Variants in ST6GALNAC5 observed in about 807,000 individuals in gnomAD.
ST6GALNAC5 encodes ST6 N-acetylgalactosaminide alpha-2,6-sialyltransferase 5, also known as alpha-N-acetylgalactosaminide alpha-2,6-sialyltransferase 5.
In ST6GALNAC5, 27 loss-of-function variants were observed where a neutral mutation model predicts 33.6. That is an observed-to-expected ratio of 0.80 (90% CI 0.59 to 1.11). ST6GALNAC5 has a LOEUF of 1.11. Among genes scored for constraint, ST6GALNAC5 ranks in the 50% least tolerant of loss-of-function variants. The pLI, the probability that ST6GALNAC5 is intolerant of heterozygous loss-of-function variation, is 0.00. For missense variants in ST6GALNAC5, 428 were observed against 454.0 expected (o/e 0.94, Z 0.52); for synonymous variants, 194 against 171.2 (o/e 1.13, Z -1.04).
At chr1:76,919,726 A>G (rs1403100192) in intron 2 of ST6GALNAC5, among the ~76,000 whole-genome samples, 1 of 152,182 alleles carries the variant, frequency 6.6e-6, no homozygotes, top group Non-Finnish European at 1.5e-5. Context: ...AAGAGTTCTT[A>G]GTTACTTGAA....
At chr1:76,914,205 G>C (rs1473913364) in intron 2 of ST6GALNAC5, among the ~76,000 whole-genome samples, 1 of 152,136 alleles carries the variant, frequency 6.6e-6, no homozygotes, top group Non-Finnish European at 1.5e-5. Context: ...CAAACAAATG[G>C]AAGAACATTC....
intron 2 of ST6GALNAC5, among the ~76,000 whole-genome samples, chr1:76,894,306 C>T (rs1447927848): frequency 6.6e-6 from 1 of 152,100 alleles, no homozygotes; most frequent in Non-Finnish European, 1.5e-5. Flanking sequence ...TTGTGTTGAC[C>T]CAGATAGGCC....
chr1:76,926,407 C>T (rs1288390931), intron 2 of ST6GALNAC5, among the ~76,000 whole-genome samples: 1 of 152,116 alleles, frequency 6.6e-6, no homozygotes, highest in Non-Finnish European at 1.5e-5. Flanking sequence ...ACAGGTATCT[C>T]TGTAATTTAT....
chr1:77,000,429 C>T (rs1223370648), intron 2 of ST6GALNAC5, among the ~76,000 whole-genome samples: 1 of 126,198 alleles, frequency 7.9e-6, no homozygotes, highest in African/African-American at 2.6e-5. Flanking sequence ...AATTTTCTCC[C>T]ATTTTGTAGG....
At chr1:76,901,943 A>T (rs1310339087) in intron 2 of ST6GALNAC5, among the ~76,000 whole-genome samples, 1 of 152,174 alleles carries the variant, frequency 6.6e-6, no homozygotes, top group Non-Finnish European at 1.5e-5. Context: ...AGAAAGTGGA[A>T]GTTATCACTT....
rs752503806 is a variant in ST6GALNAC5, at chr1:76,926,937, T to A, written c.261+58195T>A. Reference sequence around the variant, plus strand: ...TTTTCATTAATAGTACAATCAAACATCTTTTCAGATATTCATTTACCATTT... The same window carrying A: ...TTTTCATTAATAGTACAATCAAACAACTTTTCAGATATTCATTTACCATTT... On this transcript the variant is annotated intron_variant, in intron 2 of 4. Coordinates refer to ENST00000477717, the MANE Select transcript of ST6GALNAC5 (RefSeq NM_030965.3). Among the ~76,000 whole-genome samples, 59 of 152,164 alleles carry A rather than the reference T, an allele frequency of 3.9e-4. 1 individual carries two copies. Among genetic ancestry groups the A allele is most frequent in the Non-Finnish European group, 7.6e-4 (52 of 67,996 alleles).
At chr1:77,027,638 G>A (rs1351038975) in intron 2 of ST6GALNAC5, among the ~76,000 whole-genome samples, 1 of 152,084 alleles carries the variant, frequency 6.6e-6, no homozygotes, top group Non-Finnish European at 1.5e-5. Flanking sequence ...AGGAAAGGGA[G>A]GGTTTAATGT....
At chr1:76,893,746 T>C (rs896046772) in intron 2 of ST6GALNAC5, among the ~76,000 whole-genome samples, 7 of 152,130 alleles carry the variant, frequency 4.6e-5, no homozygotes, top group African/African-American at 1.7e-4. Context: ...CTGCAACCTC[T>C]GCCTCCCGGG....
At chr1:77,039,211 A>C (rs1206806126) in intron 2 of ST6GALNAC5, among the ~76,000 whole-genome samples, 1 of 152,194 alleles carries the variant, frequency 6.6e-6, no homozygotes, top group African/African-American at 2.4e-5. Context: ...TCACTCTTCC[A>C]TGTGCTGTGC....
chr1:76,982,357 C>T (rs534074070), intron 2 of ST6GALNAC5, among the ~76,000 whole-genome samples: 3 of 152,228 alleles, frequency 2.0e-5, no homozygotes, highest in South Asian at 2.1e-4. Context: ...ATGAGAACTT[C>T]GTGAAGCATG....
At chr1:77,032,093 C>A (rs527671913) in intron 2 of ST6GALNAC5, among the ~76,000 whole-genome samples, 1 of 152,158 alleles carries the variant, frequency 6.6e-6, no homozygotes, top group South Asian at 2.1e-4. Context: ...AATAACTCTG[C>A]GAGGTCAGTA....
rs959582586 is a variant in ST6GALNAC5 at position 77,004,586 on chromosome 1, G to A, written c.262-39618G>A. Among the ~76,000 whole-genome samples the A allele has an allele frequency of 4.5e-4, 60 of 133,014 alleles. 1 individual carries two copies. The highest frequency in any genetic ancestry group is 1.6e-4 in the Non-Finnish European group (9 of 57,608). The allele number at this position is 133,014 out of a possible 152,430, so 87.3% of individuals were successfully genotyped here. On this transcript the variant is annotated intron_variant, in intron 2 of 4. Transcript: ENST00000477717. ...GGCGCTCTGTGTTTTAGAGTTTCCA[G>A]TTTTTCTGTTCTGTTTTTTCCCCAT...
chr1:76,936,953 G>GGCGTGTGT (rs138095164), intron 2 of ST6GALNAC5, among the ~76,000 whole-genome samples: 2,167 of 140,010 alleles, frequency 0.015, 89 homozygotes, highest in South Asian at 0.072. Context: ...AGAGAAGCAG[G>GGCGTGTGT]GTGTGTGTGT....
chr1:76,969,618 A>C (rs1648653916), intron 2 of ST6GALNAC5, among the ~76,000 whole-genome samples: 1 of 152,224 alleles, frequency 6.6e-6, no homozygotes, highest in South Asian at 2.1e-4. Flanking sequence ...AACAAAAGGC[A>C]GCAGAAACTT....
At chr1:77,008,672 G>A (rs1005191671) in intron 2 of ST6GALNAC5, among the ~76,000 whole-genome samples, 1 of 152,116 alleles carries the variant, frequency 6.6e-6, no homozygotes, top group African/African-American at 2.4e-5. Flanking sequence ...TGGGATTACA[G>A]GTGCCCGCCA....
intron 2 of ST6GALNAC5, among the ~76,000 whole-genome samples, chr1:77,033,800 TAG>T (rs954775093): frequency 2.0e-5 from 3 of 151,860 alleles, no homozygotes; most frequent in Non-Finnish European, 2.9e-5. Flanking sequence ...GGCCGGAGAA[TAG>T]AGAGTAGGGT....
At chr1:76,875,665 GC>G (rs1271445629) in intron 2 of ST6GALNAC5, among the ~76,000 whole-genome samples, 11 of 152,152 alleles carry the variant, frequency 7.2e-5, no homozygotes, top group Non-Finnish European at 2.9e-5. Context: ...CAAAACTTTT[GC>G]TAGTGGATCA....
chr1:77,044,370 T>C lies in ST6GALNAC5; in HGVS notation c.428T>C (p.Val143Ala). 1 of 1,613,286 alleles carries C rather than the reference T, an allele frequency of 6.2e-7. No homozygotes were observed. Among genetic ancestry groups the C allele is most frequent in the Non-Finnish European group, 8.5e-7 (1 of 1,179,816 alleles). ...GTGGGCAATCGCACCAGCCTGAGGG[T>C]CATCGCGCATTCCAGCATCCAGAGG... ...RDVGNRTSLR[V>A]IAHSSIQRIL... Residue 143 changes from valine to alanine, a missense_variant, in exon 3 of 5, where the codon GTC becomes GCC. Coordinates refer to ENST00000477717, the MANE Select transcript of ST6GALNAC5 (RefSeq NM_030965.3).
intron 2 of ST6GALNAC5, among the ~76,000 whole-genome samples, chr1:76,976,990 A>C (rs1649035468): frequency 6.6e-6 from 1 of 152,196 alleles, no homozygotes; most frequent in Non-Finnish European, 1.5e-5. Context: ...GAGATTCTGC[A>C]TTTGTAGCAT....
Sources: gnomAD v4.1 joint callset for allele counts (sites outside exome capture counted in the v4.1 genomes callset) on GRCh38, gnomAD v4.1.1 for gene constraint, MANE v1.5 for transcripts, NCBI Gene and HGNC (gene_info 2026-07-23, HGNC 2026-07-21) for gene names.